Variants in ZRANB2 observed in about 807,000 individuals in gnomAD.
ZRANB2 encodes the protein zinc finger Ran-binding domain-containing protein 2.
Under a neutral mutation model 53.4 loss-of-function variants are expected in ZRANB2, and 19 were observed. That is an observed-to-expected ratio of 0.36 (90% CI 0.25 to 0.52). The LOEUF (loss-of-function observed/expected upper bound fraction) is 0.52. Among genes scored for constraint, ZRANB2 ranks in the 20% least tolerant of loss-of-function variants. The pLI is 0.93. For missense variants in ZRANB2, 309 were observed against 401.1 expected (o/e 0.77, Z 1.96); for synonymous variants, 145 against 134.8 (o/e 1.08, Z -0.52).
chr1:71,081,024 A>C lies in ZRANB2; in HGVS notation c.-29T>G. The stretch of plus-strand genomic sequence containing the variant: ...GAACGCCACCAGCACAGCCACCCGC[A>C]GCTATGTCTTCACAGGAGGAAAACG... On this transcript the variant is annotated 5_prime_UTR_variant, in exon 1 of 10. Coordinates refer to ENST00000370920, the MANE Select transcript of ZRANB2 (RefSeq NM_203350.3). 1 of 1,614,070 alleles carries C rather than the reference A, an allele frequency of 6.2e-7. No individual in the cohort carries two copies. The highest frequency in any genetic ancestry group is 8.5e-7 in the Non-Finnish European group (1 of 1,179,980).
chr1:71,070,280 C>CAAAG (rs56400512), intron 7 of ZRANB2, among the ~76,000 whole-genome samples: 149,769 of 152,142 alleles, frequency 0.98, 73,771 homozygotes, highest in Non-Finnish European at 1. Flanking sequence ...CATCAACAAA[C>CAAAG]AATATTCAAG....
intron 1 of ZRANB2, among the ~76,000 whole-genome samples, chr1:71,079,638 C>A (rs1196043982): frequency 6.6e-6 from 1 of 152,158 alleles, no homozygotes; most frequent in Non-Finnish European, 1.5e-5. Context: ...TGCATTTAAA[C>A]ATATTGTACA....
chr1:71,069,322 G>T lies in ZRANB2; in HGVS notation c.724C>A (p.Arg242Ser). 1 of 1,612,550 alleles carries T rather than the reference G, an allele frequency of 6.2e-7. No individual in the cohort carries two copies. Among genetic ancestry groups the T allele is most frequent in the Non-Finnish European group, 8.5e-7 (1 of 1,179,280 alleles). Reference protein sequence around the residue: ...RSSSSSQSRSRSSSRERSRSR... With the variant: ...RSSSSSQSRSSSSSRERSRSR... ...CTCGAACGTTCTCTGGAACTGGAACGAGATCTTGACTGCGAACTGGAAGAA... is the reference window on the plus strand; with the variant it reads ...CTCGAACGTTCTCTGGAACTGGAACTAGATCTTGACTGCGAACTGGAAGAA... The change falls in exon 8 of 10, where the codon CGT becomes AGT. Residue 242 changes from arginine (R) to serine (S), a missense_variant. Physicochemically the swap from Arg to Ser is moderately radical, Grantham distance 110. This residue lies in a region of ZRANB2 where 211 missense variants were observed against 196.1 expected (regional missense o/e 1.08). Coordinates refer to ENST00000370920, the MANE Select transcript of ZRANB2 (RefSeq NM_203350.3).
chr1:71,068,877 C>G (rs1661527616), intron 8 of ZRANB2, among the ~76,000 whole-genome samples: 1 of 151,468 alleles, frequency 6.6e-6, no homozygotes, highest in Admixed American at 6.6e-5. Flanking sequence ...CAACCTTGAA[C>G]TCCTGGCCTC....
chr1:71,072,057 A>T (rs1661605741), intron 6 of ZRANB2, 64 bp downstream of exon 6: 1 of 1,553,218 alleles, frequency 6.4e-7, no homozygotes, highest in Non-Finnish European at 8.6e-7. Context: ...GGCTGTCAAA[A>T]GCATTCATGT....
chr1:71,065,621 G>A (rs1557788699), intron 9 of ZRANB2: 11 of 1,542,344 alleles, frequency 7.1e-6, no homozygotes, highest in South Asian at 1.2e-5. Context: ...CAAGATGATT[G>A]TACAATTTGC....
intron 6 of ZRANB2, among the ~76,000 whole-genome samples, chr1:71,071,879 A>C (rs570939679): frequency 2.6e-5 from 4 of 152,138 alleles, no homozygotes; most frequent in African/African-American, 7.2e-5. Context: ...ACCTATTTAT[A>C]TATTTCCTCC....
At chr1:71,068,370 G>T (rs1195906936) in intron 8 of ZRANB2, among the ~76,000 whole-genome samples, 2 of 151,822 alleles carry the variant, frequency 1.3e-5, no homozygotes, top group African/African-American at 4.8e-5. Flanking sequence ...ATGCCTTTAG[G>T]TCATAATAAA....
rs569350979 is a variant in ZRANB2, at chr1:71,079,089, AAT to A, written c.57-383_57-382del. On this transcript the variant is annotated intron_variant, in intron 1 of 9. Coordinates refer to ENST00000370920, the MANE Select transcript of ZRANB2 (RefSeq NM_203350.3). ...GAGTTTTAAACCCTAGCGGTGGACC[AAT>A]GAGGAAAAAAACTTATAAATCAAGG... Among the ~76,000 whole-genome samples, 490 of 152,128 alleles carry A rather than the reference AAT, an allele frequency of 3.2e-3. 1 individual carries two copies. Among genetic ancestry groups the A allele is most frequent in the Non-Finnish European group, 3.3e-3 (224 of 68,010 alleles).
At chr1:71,080,320 G>A (rs1661810759) in intron 1 of ZRANB2, among the ~76,000 whole-genome samples, 1 of 152,154 alleles carries the variant, frequency 6.6e-6, no homozygotes, top group Non-Finnish European at 1.5e-5. Flanking sequence ...TAAGGGCTGA[G>A]TAGGCAAAAA....
rs1359988618 is a variant in ZRANB2 at position 71,064,195 on chromosome 1, AT to A, written c.*878del. The A allele has an allele frequency of 1.3e-5, 2 of 152,408 alleles. No homozygotes were observed. The highest frequency in any genetic ancestry group is 4.8e-5 in the African/African-American group (2 of 41,454). The allele number at this position is 152,408 out of a possible 1,614,324, so 9.4% of individuals were successfully genotyped here. ...AGGCAAATGTTCACTTAAATTCACA[AT>A]GTCTCCATTGGCCTTTCACCAAAAG... is the stretch of plus-strand genomic sequence containing the variant. On this transcript the variant is annotated 3_prime_UTR_variant, in exon 10 of 10. Coordinates refer to ENST00000370920, the MANE Select transcript of ZRANB2 (RefSeq NM_203350.3).
In ZRANB2 at chr1:71,066,780, C is replaced by T. The variant is rs1661451190; in HGVS notation, c.925G>A (p.Glu309Lys). ...KKRRTRSRSP[E>K]RRHRSSSGSS... ...TATTTCTACAGAAACCCAAACCTTT[C>T]GGGTGACCGTGATCTTGTTCGTCTT... The change falls in exon 9 of 10, where the codon GAA becomes AAA. Residue 309 changes from glutamate (E) to lysine (K), a missense_variant. Physicochemically the swap from Glu to Lys is moderately conservative, Grantham distance 56 (BLOSUM62 1). Around this residue, in one of 3 missense-constraint regions of ZRANB2, gnomAD observed 211 missense variants for 196.1 expected, o/e 1.08. Transcript: ENST00000370920. The T allele has an allele frequency of 3.7e-6, 6 of 1,611,076 alleles. No homozygotes were observed. Among genetic ancestry groups the T allele is most frequent in the South Asian group, 2.2e-5 (2 of 89,796 alleles).
chr1:71,076,830 T>C lies in ZRANB2; in HGVS notation c.266A>G (p.Asn89Ser), dbSNP rs773308786. The change falls in exon 4 of 10, where the codon AAT (asparagine) becomes AGT (serine). Residue 89 changes from asparagine to serine, a missense_variant. Coordinates refer to ENST00000370920, the MANE Select transcript of ZRANB2 (RefSeq NM_203350.3). ...TTCTAATTTAGCATACTTTGGAGTA[T>C]TACACATATTACACTCTGATCTTCT... ...WARRSECNMC[N>S]TPKYAKLEER... is the part of the protein sequence containing the mutation. The C allele has an allele frequency of 6.2e-7, 1 of 1,612,396 alleles. No individual in the cohort carries two copies. The highest frequency in any genetic ancestry group is 8.5e-7 in the Non-Finnish European group (1 of 1,179,426).
chr1:71,067,282 G>C (rs1476673304), intron 8 of ZRANB2: 1 of 179,118 alleles, frequency 5.6e-6, no homozygotes, highest in Non-Finnish European at 1.2e-5. Context: ...TTTACGTTTA[G>C]GAACTACATC....
rs1041105083 is a variant in ZRANB2 at position 71,064,285 on chromosome 1, T to C, written c.*789A>G. The C allele has an allele frequency of 1.6e-4, 25 of 152,134 alleles. No individual in the cohort carries two copies. The highest frequency in any genetic ancestry group is 1.5e-5 in the Non-Finnish European group (1 of 67,892). 9.4% of individuals were successfully genotyped at this position (152,134 alleles called of 1,614,324 possible). On this transcript the variant is annotated 3_prime_UTR_variant, in exon 10 of 10. Transcript: ENST00000370920. Reference sequence around the variant, plus strand: ...AAGTATGATTTAGCCTTTTCTACCATATTATATTTGGTAACTACATTTGGA... The same window carrying C: ...AAGTATGATTTAGCCTTTTCTACCACATTATATTTGGTAACTACATTTGGA...
intron 4 of ZRANB2, among the ~76,000 whole-genome samples, chr1:71,074,872 G>A (rs1278676323): frequency 2.6e-5 from 4 of 152,082 alleles, no homozygotes; most frequent in African/African-American, 9.7e-5. Flanking sequence ...CCAAAAGAAA[G>A]CGGAAAGCAA....
intron 3 of ZRANB2, among the ~76,000 whole-genome samples, chr1:71,078,110 TTCACAC>T (rs1661749057): frequency 6.6e-6 from 1 of 152,138 alleles, no homozygotes; most frequent in Non-Finnish European, 1.5e-5. Flanking sequence ...TGTGGTGTAT[TTCACAC>T]TAACTATACA....
At chr1:71,077,764 G>C (rs1573061699) in intron 3 of ZRANB2, among the ~76,000 whole-genome samples, 1 of 152,224 alleles carries the variant, frequency 6.6e-6, no homozygotes, top group Non-Finnish European at 1.5e-5. Context: ...GCTGAAGTGA[G>C]AGGATTGCTT....
chr1:71,072,078 C>G (rs1661606433), intron 6 of ZRANB2, 43 bp downstream of exon 6: 4 of 1,590,784 alleles, frequency 2.5e-6, no homozygotes, highest in Non-Finnish European at 3.4e-6. Flanking sequence ...TATGGTATAA[C>G]TCCAATAAGA....
Sources: allele counts gnomAD v4.1 joint callset (sites outside exome capture counted in the v4.1 genomes callset), GRCh38; gene constraint gnomAD v4.1.1; regional missense constraint gnomAD v4.1.1; transcripts MANE v1.5; gene names NCBI Gene and HGNC (gene_info 2026-07-23, HGNC 2026-07-21).